ACAP3: variants seen among roughly 807,000 people sequenced by gnomAD.
The protein encoded by ACAP3 is ArfGAP with coiled-coil, ankyrin repeat and PH domains 3.
Under a neutral mutation model 104.1 loss-of-function variants are expected in ACAP3, and 56 were observed. That is an observed-to-expected ratio of 0.54 (90% CI 0.43 to 0.67). The LOEUF (loss-of-function observed/expected upper bound fraction) is 0.67, where lower values mean the gene tolerates loss of function less well. Ranked by LOEUF, ACAP3 falls within the 30% of genes least tolerant of loss-of-function variation. The pLI is 0.00. For synonymous variants in ACAP3, 628 were observed against 496.2 expected, an observed-to-expected ratio of 1.27 and a Z score of -3.53; for missense variants, 1,208 against 1,174.9, an observed-to-expected ratio of 1.03 and a Z score of -0.41.
intron 4 of ACAP3, among the ~76,000 whole-genome samples, 173 bp from the exon 5 acceptor site, chr1:1,302,219 G>C (rs935838706): frequency 1.3e-5 from 2 of 152,196 alleles, no homozygotes; most frequent in Middle Eastern, 3.4e-3. Context: ...GGCCTGAGTT[G>C]GCACTCAGAG....
Position 1,294,825 on chromosome 1 carries a change from C to A in ACAP3, c.1814-9G>T. 1.3e-6 allele frequency: 2 copies of A among 1,549,600 alleles called. No homozygotes were observed. Among genetic ancestry groups the A allele is most frequent in the Admixed American group, 2.0e-5 (1 of 50,964 alleles). On this transcript the variant is annotated splice_polypyrimidine_tract_variant and intron_variant, in intron 19 of 23. Coordinates refer to ENST00000354700, the MANE Select transcript of ACAP3 (RefSeq NM_030649.3). Reference sequence around the variant, plus strand: ...ACTGTCGCTACTCAGACCTGCAGGTCCGCAGGGAAGGGGGTCCTGAGGGTG... The same window carrying A: ...ACTGTCGCTACTCAGACCTGCAGGTACGCAGGGAAGGGGGTCCTGAGGGTG...
In ACAP3 at chr1:1,293,496, C is replaced by T. The variant is rs1023132555; in HGVS notation, c.*68G>A. On this transcript the variant is annotated 3_prime_UTR_variant, in exon 24 of 24. Coordinates refer to ENST00000354700, the MANE Select transcript of ACAP3 (RefSeq NM_030649.3). ...ACACGCAGGGCCGCGGCCGGGTGGGCGCCAGGGACTTCGGGGCATGCGGGG... is the reference window on the plus strand; with the variant it reads ...ACACGCAGGGCCGCGGCCGGGTGGGTGCCAGGGACTTCGGGGCATGCGGGG... 1.7e-4 allele frequency: 226 copies of T among 1,349,936 alleles called. 1 individual carries two copies. Among genetic ancestry groups the T allele is most frequent in the Non-Finnish European group, 2.0e-4 (213 of 1,057,974 alleles). The allele number at this position is 1,349,936 out of a possible 1,614,324, so 83.6% of individuals were successfully genotyped here.
In ACAP3 at chr1:1,302,915, C is replaced by A. The variant is rs192937844; in HGVS notation, c.279+7G>T. The A allele has an allele frequency of 6.2e-6, 10 of 1,610,756 alleles. No individual in the cohort carries two copies. Among genetic ancestry groups the A allele is most frequent in the Non-Finnish European group, 8.5e-6 (10 of 1,179,038 alleles). On this transcript the variant is annotated splice_region_variant and intron_variant, in intron 4 of 23. Coordinates refer to ENST00000354700, the MANE Select transcript of ACAP3 (RefSeq NM_030649.3). ...CAGCCCACAGGTGGCAGGGAGGCCG[C>A]GCTCACCATGTGGTAGTTCACCACC...
At position 1,303,871 on chromosome 1, in the gene ACAP3, A is replaced by G; in HGVS notation, c.105+215T>C. ...GACTCACCACAGCCCAGCCCCTCCC[A>G]GATGGGACGAGACTCAGGGCCAGCC... On this transcript the variant is annotated intron_variant, in intron 2 of 23. Coordinates refer to ENST00000354700, the MANE Select transcript of ACAP3 (RefSeq NM_030649.3). The surrounding 1 kb of genome is among the most constrained non-coding windows in gnomAD (Gnocchi z 4.0). The G allele has an allele frequency of 1.6e-6, 1 of 633,392 alleles. No individual in the cohort carries two copies. Among genetic ancestry groups the G allele is most frequent in the Non-Finnish European group, 2.7e-6 (1 of 365,874 alleles). 39.2% of individuals were successfully genotyped at this position (633,392 alleles called of 1,614,324 possible).
At chr1:1,304,259 G>A in intron 1 of ACAP3, 116 bp from the exon 2 acceptor site, 5 of 1,307,986 alleles carry the variant, frequency 3.8e-6, no homozygotes, top group Non-Finnish European at 5.3e-6. Flanking sequence ...TCAGGAAACA[G>A]GCTGGGAGAC....
Position 1,303,234 on chromosome 1 carries a change from G to A in ACAP3, c.153C>T (p.Val51=). The part of the protein sequence containing the change: ...SGMVEAGKAY[V]STSRLFVSGV... ...CGCTCACGAAAAGCCTGCTGGTGCT[G>A]ACGTAGGCCTTACCGGCTTCCACCA... is the stretch of plus-strand genomic sequence containing the variant. Residue 51 remains valine (V), a synonymous_variant, in exon 3 of 24, where the codon GTC becomes GTT. Transcript: ENST00000354700. This position sits in a 1 kb window ranked among gnomAD's most constrained non-coding sequence, Gnocchi z 4.0. The A allele has an allele frequency of 6.2e-7, 1 of 1,605,938 alleles. No homozygotes were observed. The highest frequency in any genetic ancestry group is 8.5e-7 in the Non-Finnish European group (1 of 1,177,106).
In ACAP3 at chr1:1,294,649, G is replaced by C. The variant is rs752361765; in HGVS notation, c.1913-21C>G. On this transcript the variant is annotated intron_variant, in intron 20 of 23. Transcript: ENST00000354700. Reference sequence around the variant, plus strand: ...ACCCTCTGTGGGGAGGGGGCGGTCAGGGAAAGCAACCCCCGGGGCTGCCCA... The same window carrying C: ...ACCCTCTGTGGGGAGGGGGCGGTCACGGAAAGCAACCCCCGGGGCTGCCCA... 6.3e-5 allele frequency: 96 copies of C among 1,533,116 alleles called. No homozygotes were observed. The African/African-American group carries it at 1.0e-3, about 16-fold the overall frequency. 95.0% of individuals were successfully genotyped at this position (1,533,116 alleles called of 1,614,324 possible).
At chr1:1,300,422 C>A in intron 6 of ACAP3, 87 bp downstream of exon 6, 1 of 1,421,902 alleles carries the variant, frequency 7.0e-7, no homozygotes, top group South Asian at 1.4e-5. Context: ...CACTCCTGCT[C>A]AAAATCCCTC....
Position 1,301,970 on chromosome 1 carries a change from G to A in ACAP3, c.338+18C>T. On this transcript the variant is annotated intron_variant, in intron 5 of 23. Coordinates refer to ENST00000354700, the MANE Select transcript of ACAP3 (RefSeq NM_030649.3). ...GCGTGGCCTCAGTGTTCTTCCCCCA[G>A]CCCTGGGGGCCACTCACTCTTTGAC... 1.9e-6 allele frequency: 3 copies of A among 1,553,372 alleles called. No homozygotes were observed. Among genetic ancestry groups the A allele is most frequent in the South Asian group, 1.2e-5 (1 of 84,886 alleles).
chr1:1,303,281 G>A lies in ACAP3; in HGVS notation c.106C>T (p.Leu36=). ...ACCATGCCACTGCACAGCTTCACCA[G>A]CTGTGGGCCAGCGGGGCGTGGTGAG... ...VVEIEAKLDK[L]VKLCSGMVEA... Residue 36 remains leucine, a splice_region_variant and synonymous_variant, in exon 3 of 24, where the codon CTG becomes TTG. Transcript: ENST00000354700. The surrounding 1 kb of genome is among the most constrained non-coding windows in gnomAD (Gnocchi z 4.0). The A allele has an allele frequency of 6.3e-7, 1 of 1,581,346 alleles. No individual in the cohort carries two copies.
chr1:1,306,452 C>T (rs1352394869), intron 1 of ACAP3, among the ~76,000 whole-genome samples: 1 of 152,158 alleles, frequency 6.6e-6, no homozygotes, highest in African/African-American at 2.4e-5. Context: ...AGTTATTCAA[C>T]CCCTTTTCCC....
rs1022363562 is a variant in ACAP3 at position 1,303,496 on chromosome 1, G to A, written c.106-215C>T. ...GGGGAGGGTGGGGCCGCCACGGCTC[G>A]GCTGGGAGGGACCAGGAGCCAGGCA... On this transcript the variant is annotated intron_variant, in intron 2 of 23. Transcript: ENST00000354700. The surrounding 1 kb of genome is among the most constrained non-coding windows in gnomAD (Gnocchi z 4.0). 7.3e-6 allele frequency: 5 copies of A among 682,114 alleles called. No homozygotes were observed. The highest frequency in any genetic ancestry group is 1.9e-5 in the South Asian group (1 of 51,892). The allele number at this position is 682,114 out of a possible 1,614,324, so 42.3% of individuals were successfully genotyped here.
chr1:1,295,628 G>A (rs1254818957), intron 18 of ACAP3, 74 bp from the exon 19 acceptor site: 1 of 1,566,424 alleles, frequency 6.4e-7, no homozygotes, highest in Non-Finnish European at 8.7e-7. Context: ...CACGCCGGGA[G>A]TCTGCGGAGC....
Position 1,307,848 on chromosome 1 carries a change from G to C in ACAP3, c.-33C>G. On this transcript the variant is annotated 5_prime_UTR_variant, in exon 1 of 24. Coordinates refer to ENST00000354700, the MANE Select transcript of ACAP3 (RefSeq NM_030649.3). ...GCGGCCGCGGCGCTCACTGGCACGA[G>C]GACCGCGGCGCCGAGCGGCAGCCGC... 2.0e-6 allele frequency: 2 copies of C among 1,023,270 alleles called. No individual in the cohort carries two copies. The highest frequency in any genetic ancestry group is 1.2e-6 in the Non-Finnish European group (1 of 855,342). 63.4% of individuals were successfully genotyped at this position (1,023,270 alleles called of 1,614,324 possible).
In ACAP3 at chr1:1,303,703, T is replaced by C. The variant is rs1363583636; in HGVS notation, c.105+383A>G. On this transcript the variant is annotated intron_variant, in intron 2 of 23. Coordinates refer to ENST00000354700, the MANE Select transcript of ACAP3 (RefSeq NM_030649.3). This position sits in a 1 kb window ranked among gnomAD's most constrained non-coding sequence, Gnocchi z 4.0. ...TCTTTCTCAGCCCATGTGGGGCTCA[T>C]GGACACGGCTCCCCCCTCCACGGCC... 3 of 386,930 alleles carry C rather than the reference T, an allele frequency of 7.8e-6. No individual in the cohort carries two copies. Among genetic ancestry groups the C allele is most frequent in the African/African-American group, 2.2e-5 (1 of 46,388 alleles). 24.0% of individuals were successfully genotyped at this position (386,930 alleles called of 1,614,324 possible).
At chr1:1,302,164 C>CG in intron 4 of ACAP3, 118 bp from the exon 5 acceptor site, 9 of 916,958 alleles carry the variant, frequency 9.8e-6, no homozygotes, top group Non-Finnish European at 1.4e-5. Context: ...GGGCGGGTCC[C>CG]ACCCTGCAGG....
In ACAP3 at chr1:1,303,332, C is replaced by T. The variant is rs927506812; in HGVS notation, c.106-51G>A. The stretch of plus-strand genomic sequence containing the variant: ...CACAGTGGGCACTGGCGCCTGCACT[C>T]GCCACCACACACGGCCACTCAGAGG... On this transcript the variant is annotated intron_variant, in intron 2 of 23. Transcript: ENST00000354700. The surrounding 1 kb of genome is among the most constrained non-coding windows in gnomAD (Gnocchi z 4.0). 4.8e-5 allele frequency: 74 copies of T among 1,541,932 alleles called. No homozygotes were observed. Among genetic ancestry groups the T allele is most frequent in the Non-Finnish European group, 5.7e-5 (65 of 1,142,250 alleles).
At chr1:1,305,174 G>A (rs535813110) in intron 1 of ACAP3, 1 of 152,420 alleles carries the variant, frequency 6.6e-6, no homozygotes, top group Non-Finnish European at 1.5e-5. Context: ...CCCAGCCAGG[G>A]ACCTTGAAGG....
chr1:1,301,710 A>T, intron 5 of ACAP3: 1 of 303,658 alleles, frequency 3.3e-6, no homozygotes, highest in Non-Finnish European at 6.0e-6. Flanking sequence ...AGATCTGTCC[A>T]GCCCAGACCC....
Sources: allele counts gnomAD v4.1 joint callset (sites outside exome capture counted in the v4.1 genomes callset), GRCh38; gene constraint gnomAD v4.1.1; non-coding constraint Gnocchi (gnomAD v3.1); transcripts MANE v1.5; gene names NCBI Gene and HGNC (gene_info 2026-07-23, HGNC 2026-07-21).